PCDHA12: variants seen among roughly 807,000 people sequenced by gnomAD.
PCDHA12 encodes protocadherin alpha-12.
A neutral mutation model predicts 60.0 loss-of-function variants in PCDHA12; 44 were observed. The ratio of observed to expected loss-of-function variants is 0.73; its 90% confidence interval spans 0.58 to 0.94. The LOEUF is 0.94. Ranked by LOEUF, PCDHA12 falls within the 40% of genes least tolerant of loss-of-function variation. The pLI is 0.00. For synonymous variants in PCDHA12, 569 were observed against 553.0 expected (o/e 1.03, Z -0.40); for missense variants, 1,276 against 1,239.7 (o/e 1.03, Z -0.44).
chr5:140,990,869 G>A (rs2097420316), intron 3 of PCDHA12, among the ~76,000 whole-genome samples: 3 of 152,192 alleles, frequency 2.0e-5, no homozygotes, highest in African/African-American at 4.8e-5. Context: ...TGTATTTTAA[G>A]TGTATGTTCC....
chr5:140,985,236 C>G (rs1338808702), intron 3 of PCDHA12, among the ~76,000 whole-genome samples: 1 of 152,184 alleles, frequency 6.6e-6, no homozygotes, highest in Admixed American at 6.5e-5. Context: ...CGCGCCTGGC[C>G]TAATCTTCTT....
intron 1 of PCDHA12, among the ~76,000 whole-genome samples, chr5:140,908,466 C>T (rs2073988233): frequency 6.6e-6 from 1 of 152,134 alleles, no homozygotes. Flanking sequence ...TCAGAAAGCA[C>T]CCAGTTCATG....
At chr5:140,971,603 C>T (rs1353988698) in intron 1 of PCDHA12, among the ~76,000 whole-genome samples, 1 of 152,072 alleles carries the variant, frequency 6.6e-6, no homozygotes, top group Non-Finnish European at 1.5e-5. Context: ...CTACAGATGG[C>T]AGGAGAGTCC....
intron 1 of PCDHA12, 148 bp downstream of exon 1, chr5:140,877,987 C>T: frequency 3.5e-6 from 4 of 1,151,316 alleles, no homozygotes; most frequent in Non-Finnish European, 4.6e-6. Context: ...TCATTTTGAA[C>T]TTTTATGTAT....
intron 1 of PCDHA12, among the ~76,000 whole-genome samples, chr5:140,892,084 C>G (rs1233800772): frequency 6.6e-6 from 1 of 151,992 alleles, no homozygotes; most frequent in African/African-American, 2.4e-5. Flanking sequence ...TTCTAGTTTC[C>G]TCTCGAAACT....
At chr5:140,927,226 A>T in intron 1 of PCDHA12, 5 of 1,613,996 alleles carry the variant, frequency 3.1e-6, no homozygotes, top group Non-Finnish European at 4.2e-6. Context: ...CAAGATTCGG[A>T]TTCACGTCCT....
At chr5:140,883,349 GA>G in intron 1 of PCDHA12, 1 of 1,614,142 alleles carries the variant, frequency 6.2e-7, no homozygotes, top group Non-Finnish European at 8.5e-7. Flanking sequence ...CCCCATCAGA[GA>G]AGACACTCAG....
At chr5:140,966,806 C>T in intron 1 of PCDHA12, 1 of 1,546,832 alleles carries the variant, frequency 6.5e-7, no homozygotes, top group Non-Finnish European at 8.7e-7. Context: ...GACAGAGCAT[C>T]CACGGCTCCG....
intron 3 of PCDHA12, among the ~76,000 whole-genome samples, chr5:140,982,882 C>CAGAGA (rs1353974224): frequency 6.6e-6 from 1 of 151,972 alleles, no homozygotes; most frequent in African/African-American, 2.4e-5. Context: ...CCAAGCCATG[C>CAGAGA]AGAGAAGATC....
rs547166699 is a variant in PCDHA12 at position 140,982,068 on chromosome 5, TTAGAG to T, written c.2427-401_2427-397del. On this transcript the variant is annotated intron_variant, in intron 2 of 3. Transcript: ENST00000398631. ...AAAATATTTTAGTGTGTTTTCTTCT[TTAGAG>T]TAGAGAACCTAGGAACAAGAGAACC... 3.5e-3 allele frequency among the ~76,000 whole-genome samples: 532 copies of T among 152,340 alleles called. 2 individuals carry two copies. Among genetic ancestry groups the T allele is most frequent in the Non-Finnish European group, 5.4e-3 (369 of 68,028 alleles).
rs191251073 is a variant in PCDHA12, at chr5:140,928,748, G to A, written c.2368-50201G>A. 503 of 1,614,114 alleles carry A rather than the reference G, an allele frequency of 3.1e-4. 5 individuals carry two copies. The East Asian group carries it at 1.0e-2, about 32-fold the overall frequency. Reference sequence around the variant, plus strand: ...ATTTCAGCCAATATAGGTGAGCTCCGTACTGCTCGCTTAGTTCTTCCCACT... The same window carrying A: ...ATTTCAGCCAATATAGGTGAGCTCCATACTGCTCGCTTAGTTCTTCCCACT... On this transcript the variant is annotated intron_variant, in intron 1 of 3. Transcript: ENST00000398631.
intron 1 of PCDHA12, chr5:140,926,536 G>T (rs1420585785): frequency 4.6e-6 from 1 of 217,790 alleles, no homozygotes. Flanking sequence ...CGCAGCCAGC[G>T]TGGTGGTCGA....
In PCDHA12 at chr5:141,010,089, G is replaced by A. The variant is rs1588251277; in HGVS notation, c.*152G>A. 3.7e-6 allele frequency: 6 copies of A among 1,612,294 alleles called. No individual in the cohort carries two copies. The highest frequency in any genetic ancestry group is 5.1e-6 in the Non-Finnish European group (6 of 1,179,138). ...AAAGTTCCCTGTGTCTGTCTAGAAC[G>A]CATTTAACAGGTTTTGTCGTAAAAG... On this transcript the variant is annotated 3_prime_UTR_variant, in exon 4 of 4. Transcript: ENST00000398631.
intron 3 of PCDHA12, among the ~76,000 whole-genome samples, chr5:140,996,923 A>G (rs1385919756): frequency 6.6e-6 from 1 of 152,230 alleles, no homozygotes; most frequent in Non-Finnish European, 1.5e-5. Flanking sequence ...ATATTAAAAA[A>G]TATAGCATTT....
intron 1 of PCDHA12, among the ~76,000 whole-genome samples, chr5:140,901,864 C>G (rs782513656): frequency 4.6e-4 from 70 of 152,126 alleles, no homozygotes; most frequent in Non-Finnish European, 5.7e-4. Flanking sequence ...TTTGTGTCCT[C>G]TTCAATTTCT....
chr5:140,881,319 T>C lies in PCDHA12; in HGVS notation c.2367+3480T>C, dbSNP rs183772489. Reference sequence around the variant, plus strand: ...AAACTTTAACCTCCTGGTTAAATTCTATTTAACCAGGACGCCGATTCGGGC... The same window carrying C: ...AAACTTTAACCTCCTGGTTAAATTCCATTTAACCAGGACGCCGATTCGGGC... On this transcript the variant is annotated intron_variant, in intron 1 of 3. Transcript: ENST00000398631. 1.0e-4 allele frequency: 101 copies of C among 979,186 alleles called. No individual in the cohort carries two copies. The African/African-American group carries it at 1.7e-3, about 17-fold the overall frequency. 60.7% of individuals were successfully genotyped at this position (979,186 alleles called of 1,614,324 possible).
intron 1 of PCDHA12, among the ~76,000 whole-genome samples, chr5:140,916,262 G>A: frequency 6.6e-6 from 1 of 152,202 alleles, no homozygotes; most frequent in East Asian, 1.9e-4. Flanking sequence ...GACCCCAAGA[G>A]CATGCTTGTT....
chr5:140,881,180 T>G (rs1054668567), intron 1 of PCDHA12: 1 of 167,342 alleles, frequency 6.0e-6, no homozygotes, highest in East Asian at 1.9e-4. Flanking sequence ...TTTTCCTTGC[T>G]AAAGATATGT....
chr5:140,969,190 T>C, intron 1 of PCDHA12: 2 of 1,614,072 alleles, frequency 1.2e-6, no homozygotes, highest in Non-Finnish European at 1.7e-6. Flanking sequence ...CTTTCATGTT[T>C]TACAATACAG....
Sources: gnomAD v4.1 joint callset for allele counts (sites outside exome capture counted in the v4.1 genomes callset) on GRCh38, gnomAD v4.1.1 for gene constraint, MANE v1.5 for transcripts, NCBI Gene and HGNC (gene_info 2026-07-23, HGNC 2026-07-21) for gene names.